The following EFL1 variants were observed in gnomAD, a reference collection of about 807,000 sequenced individuals.
EFL1 encodes elongation factor-like GTPase 1.
In EFL1, 76 loss-of-function variants were observed where a neutral mutation model predicts 126.7. That is an observed-to-expected ratio of 0.60 (90% CI 0.50 to 0.73). The LOEUF (loss-of-function observed/expected upper bound fraction) is 0.73, where lower values mean the gene tolerates loss of function less well. Among genes scored for constraint, EFL1 ranks in the 30% least tolerant of loss-of-function variants. EFL1 has a pLI of 0.00. For missense variants in EFL1, 1,128 were observed against 1,343.2 expected (o/e 0.84, Z 2.50); for synonymous variants, 410 against 448.4 (o/e 0.91, Z 1.08).
At chr15:82,253,570 A>G (rs1200359762) in intron 3 of EFL1, among the ~76,000 whole-genome samples, 3 of 152,314 alleles carry the variant, frequency 2.0e-5, no homozygotes, top group South Asian at 2.1e-4. Context: ...CTAAACATCA[A>G]TAACATAGCC....
chr15:82,182,825 A>C (rs951635074), intron 15 of EFL1, among the ~76,000 whole-genome samples: 2 of 122,950 alleles, frequency 1.6e-5, no homozygotes, highest in Non-Finnish European at 1.7e-5. Flanking sequence ...ACTCCGTCTC[A>C]AAAAAAAAAA....
At chr15:82,237,163 CAAAACAA>C (rs2074881693) in intron 7 of EFL1, among the ~76,000 whole-genome samples, 2 of 152,060 alleles carry the variant, frequency 1.3e-5, no homozygotes, top group South Asian at 4.2e-4. Flanking sequence ...ACAAAACAAA[CAAAACAA>C]AAAACAAAAA....
intron 15 of EFL1, among the ~76,000 whole-genome samples, chr15:82,190,269 C>CA (rs1384231948): frequency 6.6e-6 from 1 of 152,112 alleles, no homozygotes; most frequent in Non-Finnish European, 1.5e-5. Context: ...TTTCCACTAA[C>CA]TTTTTCTGTT....
At chr15:82,176,526 A>G (rs2074197644) in intron 15 of EFL1, among the ~76,000 whole-genome samples, 1 of 152,246 alleles carries the variant, frequency 6.6e-6, no homozygotes, top group Non-Finnish European at 1.5e-5. Flanking sequence ...GTAAAGACTT[A>G]ACAGGCATCC....
intron 15 of EFL1, chr15:82,174,195 G>GAA (rs11454123): frequency 7.4e-5 from 11 of 149,160 alleles, no homozygotes; most frequent in Admixed American, 1.3e-4. Context: ...CTCAAAAAAG[G>GAA]AAAAAAAAAA....
chr15:82,138,609 T>G, intron 19 of EFL1, 49 bp downstream of exon 19: 1 of 1,592,448 alleles, frequency 6.3e-7, no homozygotes, highest in South Asian at 1.2e-5. Context: ...CTGTAGGGAA[T>G]GTATCCATAG....
intron 7 of EFL1, among the ~76,000 whole-genome samples, chr15:82,233,134 T>C (rs753180268): frequency 8.5e-5 from 13 of 152,346 alleles, no homozygotes; most frequent in Admixed American, 7.2e-4. Flanking sequence ...TTCACACATG[T>C]GTACACATAC....
At chr15:82,140,408 G>A (rs1000667213) in intron 18 of EFL1, among the ~76,000 whole-genome samples, 22 of 152,022 alleles carry the variant, frequency 1.4e-4, no homozygotes, top group Non-Finnish European at 2.5e-4. Context: ...TCTGCCTACT[G>A]TCTCCAATCT....
chr15:82,148,715 C>T (rs1434600228), intron 18 of EFL1, among the ~76,000 whole-genome samples: 1 of 152,082 alleles, frequency 6.6e-6, no homozygotes, highest in Admixed American at 6.6e-5. Context: ...TTATATCTCA[C>T]CATAATAAGA....
At chr15:82,262,368 C>G (rs1463237644) in intron 1 of EFL1, 2 of 156,586 alleles carry the variant, frequency 1.3e-5, no homozygotes, top group East Asian at 1.9e-4. Context: ...AAGGAAAAAC[C>G]TCTACACTAC....
intron 19 of EFL1, among the ~76,000 whole-genome samples, chr15:82,135,356 G>A (rs528938688): frequency 3.0e-4 from 45 of 151,982 alleles, no homozygotes; most frequent in Middle Eastern, 6.8e-3. Flanking sequence ...AGGCTTTCAG[G>A]TAACAAAAAC....
intron 12 of EFL1, 69 bp from the exon 13 acceptor site, chr15:82,220,298 T>C (rs2074698200): frequency 2.6e-5 from 39 of 1,504,916 alleles, no homozygotes; most frequent in South Asian, 1.8e-4. Context: ...AGCATTGACA[T>C]GGCTGGGTAA....
chr15:82,252,009 A>G lies in EFL1; in HGVS notation c.244+682T>C, dbSNP rs571885614. 9.2e-5 allele frequency among the ~76,000 whole-genome samples: 14 copies of G among 152,280 alleles called. No individual in the cohort carries two copies. The South Asian group carries it at 2.9e-3, about 32-fold the overall frequency. On this transcript the variant is annotated intron_variant, in intron 4 of 19. Transcript: ENST00000268206. ...TATATAATATATTTTTATTACCTAAACACATTCATATCTTACAAAAATACT... is the reference window on the plus strand; with the variant it reads ...TATATAATATATTTTTATTACCTAAGCACATTCATATCTTACAAAAATACT...
At chr15:82,247,442 T>A (rs2074983063) in intron 4 of EFL1, among the ~76,000 whole-genome samples, 1 of 152,056 alleles carries the variant, frequency 6.6e-6, no homozygotes, top group Admixed American at 6.6e-5. Flanking sequence ...ACAGGAACCA[T>A]CACCAGGAGC....
At chr15:82,232,392 G>A (rs559582894) in intron 7 of EFL1, among the ~76,000 whole-genome samples, 1 of 152,206 alleles carries the variant, frequency 6.6e-6, no homozygotes, top group African/African-American at 2.4e-5. Context: ...ACCAATTTTT[G>A]TATATCCTTC....
chr15:82,136,118 A>G (rs943693510), intron 19 of EFL1, among the ~76,000 whole-genome samples: 2 of 152,214 alleles, frequency 1.3e-5, no homozygotes, highest in Non-Finnish European at 2.9e-5. Flanking sequence ...TAAAAAAAAA[A>G]GCTTTATAAA....
chr15:82,203,820 T>A (rs1270347003), intron 15 of EFL1, among the ~76,000 whole-genome samples: 1 of 152,238 alleles, frequency 6.6e-6, no homozygotes, highest in Non-Finnish European at 1.5e-5. Flanking sequence ...TGCACCATAA[T>A]CTACTTATCT....
At chr15:82,141,491 C>G (rs1191680005) in intron 18 of EFL1, among the ~76,000 whole-genome samples, 1 of 152,008 alleles carries the variant, frequency 6.6e-6, no homozygotes, top group Non-Finnish European at 1.5e-5. Flanking sequence ...CCAATATGGT[C>G]TCCACATCGC....
At chr15:82,177,054 G>A (rs1339705999) in intron 15 of EFL1, among the ~76,000 whole-genome samples, 1 of 152,168 alleles carries the variant, frequency 6.6e-6, no homozygotes, top group African/African-American at 2.4e-5. Context: ...AAATCTAATA[G>A]GGTGAAGGGG....
Sources: allele counts gnomAD v4.1 joint callset (sites outside exome capture counted in the v4.1 genomes callset), GRCh38; gene constraint gnomAD v4.1.1; transcripts MANE v1.5; gene names NCBI Gene and HGNC (gene_info 2026-07-23, HGNC 2026-07-21).